Variants in CDH13 observed in about 807,000 individuals in gnomAD.
CDH13 encodes the protein cadherin 13.
Under a neutral mutation model 63.8 loss-of-function variants are expected in CDH13, and 24 were observed. The ratio of observed to expected loss-of-function variants is 0.38; its 90% CI spans 0.27 to 0.53. The LOEUF (loss-of-function observed/expected upper bound fraction) is 0.53, where lower values mean the gene tolerates loss of function less well. Among genes scored for constraint, CDH13 ranks in the 20% least tolerant of loss-of-function variants. The pLI, the probability that CDH13 is intolerant of heterozygous loss-of-function variation, is 0.85. For missense variants in CDH13, 1,049 were observed against 903.1 expected, an observed-to-expected ratio of 1.16 and a Z score of -2.07; for synonymous variants, 503 against 355.3, an observed-to-expected ratio of 1.42 and a Z score of -4.67.
intron 4 of CDH13, among the ~76,000 whole-genome samples, chr16:83,187,248 G>T (rs1426664319): frequency 6.6e-6 from 1 of 152,180 alleles, no homozygotes; most frequent in Non-Finnish European, 1.5e-5. Flanking sequence ...GGAATTACAG[G>T]CGTAAGCCAC....
chr16:83,540,311 A>G (rs2075275805), intron 7 of CDH13, among the ~76,000 whole-genome samples: 1 of 152,140 alleles, frequency 6.6e-6, no homozygotes, highest in Non-Finnish European at 1.5e-5. Context: ...AGACCGACAA[A>G]CTGCGTCTGC....
chr16:83,668,188 C>T (rs1318640237), intron 8 of CDH13, among the ~76,000 whole-genome samples: 1 of 152,124 alleles, frequency 6.6e-6, no homozygotes, highest in Non-Finnish European at 1.5e-5. Context: ...CCTTCACATT[C>T]CCTCAGGCCT....
intron 1 of CDH13, among the ~76,000 whole-genome samples, chr16:82,846,269 A>G (rs897155534): frequency 3.4e-4 from 51 of 152,166 alleles, no homozygotes; most frequent in Non-Finnish European, 4.7e-4. Context: ...TCATCCAAAG[A>G]GCATGTTGTT....
At chr16:82,815,007 T>A (rs944238660) in intron 1 of CDH13, among the ~76,000 whole-genome samples, 1 of 152,110 alleles carries the variant, frequency 6.6e-6, no homozygotes, top group African/African-American at 2.4e-5. Flanking sequence ...GGTAAAACAT[T>A]TTGTTTTTTT....
At chr16:83,395,317 A>C (rs1199396619) in intron 6 of CDH13, among the ~76,000 whole-genome samples, 4 of 151,818 alleles carry the variant, frequency 2.6e-5, no homozygotes, top group South Asian at 2.1e-4. Flanking sequence ...CTGTCTCAAA[A>C]AAAAAAAAAG....
At chr16:83,671,336 C>T (rs907827754) in intron 9 of CDH13, among the ~76,000 whole-genome samples, 1 of 152,128 alleles carries the variant, frequency 6.6e-6, no homozygotes, top group Non-Finnish European at 1.5e-5. Context: ...GCAATCTCCG[C>T]CTCCTAGGTT....
rs115835393 is a variant in CDH13, at chr16:83,154,853, C to T, written c.483+29352C>T. ...AAATGTTAAATGATGTTATTTCAAC[C>T]GGTTTTTCTGTAGCAAAAATCTTTA... On this transcript the variant is annotated intron_variant, in intron 4 of 13. Transcript: ENST00000567109. 3.7e-3 allele frequency among the ~76,000 whole-genome samples: 563 copies of T among 152,194 alleles called. 4 individuals carry two copies. Among genetic ancestry groups the T allele is most frequent in the Non-Finnish European group, 6.6e-3 (451 of 68,012 alleles).
At chr16:83,504,700 G>T (rs982251461) in intron 7 of CDH13, among the ~76,000 whole-genome samples, 3 of 152,198 alleles carry the variant, frequency 2.0e-5, no homozygotes, top group Non-Finnish European at 4.4e-5. Context: ...CATCCAGACA[G>T]AGTGGCTCAG....
intron 2 of CDH13, among the ~76,000 whole-genome samples, chr16:82,863,091 G>T (rs16958781): frequency 1.6e-4 from 24 of 152,244 alleles, no homozygotes; most frequent in African/African-American, 5.5e-4. Flanking sequence ...CATGGGTATC[G>T]ATGCAGGATC....
chr16:83,672,954 T>C (rs1179940614), intron 9 of CDH13, among the ~76,000 whole-genome samples: 2 of 152,224 alleles, frequency 1.3e-5, no homozygotes, highest in Non-Finnish European at 2.9e-5. Flanking sequence ...GCAACAGCCA[T>C]GGACACAGAG....
At chr16:83,618,492 G>A (rs557346334) in intron 8 of CDH13, among the ~76,000 whole-genome samples, 12 of 152,078 alleles carry the variant, frequency 7.9e-5, no homozygotes, top group African/African-American at 2.9e-4. Context: ...TAGATGAGGG[G>A]TCCTGCTCAA....
intron 10 of CDH13, among the ~76,000 whole-genome samples, chr16:83,705,109 TTAAA>T (rs1425092939): frequency 1.3e-5 from 2 of 152,232 alleles, no homozygotes; most frequent in Admixed American, 1.3e-4. Context: ...TCCCCGATTC[TTAAA>T]TAGAGTATGG....
At chr16:83,777,165 C>A (rs577706053) in intron 11 of CDH13, among the ~76,000 whole-genome samples, 92 of 152,310 alleles carry the variant, frequency 6.0e-4, no homozygotes, top group African/African-American at 2.1e-3. Context: ...TCTCACATTT[C>A]CTATCAATCC....
intron 4 of CDH13, among the ~76,000 whole-genome samples, chr16:83,141,154 T>C (rs370137401): frequency 6.6e-6 from 1 of 152,226 alleles, no homozygotes; most frequent in Admixed American, 6.5e-5. Context: ...GATCAGAGAA[T>C]ATTAAAGCCG....
intron 4 of CDH13, among the ~76,000 whole-genome samples, chr16:83,184,912 T>C (rs1356846913): frequency 2.6e-5 from 4 of 151,080 alleles, no homozygotes; most frequent in South Asian, 4.2e-4. Context: ...TGTGTGCGTG[T>C]GTGTGTGTAG....
intron 4 of CDH13, among the ~76,000 whole-genome samples, chr16:83,143,676 A>T (rs973537620): frequency 6.6e-6 from 1 of 152,188 alleles, no homozygotes; most frequent in African/African-American, 2.4e-5. Context: ...GACAAGAATG[A>T]GTGCAGGGAT....
At position 83,602,451 on chromosome 16, in the gene CDH13, T is replaced by C; in HGVS notation, c.961-3T>C. On this transcript the variant is annotated splice_polypyrimidine_tract_variant and splice_region_variant and intron_variant, in intron 7 of 13. Transcript: ENST00000567109. ...ATTATTTCTTTGTGCTTGTGCTTTG[T>C]AGACTCTGGAAAATCCCAAGTATGA... 1 of 1,613,984 alleles carries C rather than the reference T, an allele frequency of 6.2e-7. No individual in the cohort carries two copies. The highest frequency in any genetic ancestry group is 8.5e-7 in the Non-Finnish European group (1 of 1,179,838).
At chr16:83,657,135 G>A (rs573781872) in intron 8 of CDH13, among the ~76,000 whole-genome samples, 38 of 152,266 alleles carry the variant, frequency 2.5e-4, no homozygotes, top group African/African-American at 8.9e-4. Flanking sequence ...AATGATGTAG[G>A]CTCTTCCTTT....
chr16:83,105,018 C>G (rs1457756502), intron 3 of CDH13, among the ~76,000 whole-genome samples: 1 of 151,966 alleles, frequency 6.6e-6, no homozygotes, highest in Non-Finnish European at 1.5e-5. Context: ...CTTTTTTTAA[C>G]TTTTAAGTTC....
Sources: gnomAD v4.1 joint callset for allele counts (sites outside exome capture counted in the v4.1 genomes callset) on GRCh38, gnomAD v4.1.1 for gene constraint, MANE v1.5 for transcripts, NCBI Gene and HGNC (gene_info 2026-07-23, HGNC 2026-07-21) for gene names.